The following XPNPEP2 variants were observed in gnomAD, a reference collection of about 807,000 sequenced individuals.
XPNPEP2 encodes the protein xaa-Pro aminopeptidase 2.
In XPNPEP2, 64 loss-of-function variants were observed where a neutral mutation model predicts 59.8. The observed-to-expected ratio is 1.07, with a 90% CI of 0.87 to 1.32. The LOEUF is 1.32. XPNPEP2 is among the 40% of genes most tolerant of loss of function. The pLI, the probability that XPNPEP2 is intolerant of heterozygous loss-of-function variation, is 0.00. For missense variants in XPNPEP2, 575 were observed against 546.8 expected (o/e 1.05, Z -0.51); for synonymous variants, 235 against 210.0 (o/e 1.12, Z -1.03).
intron 7 of XPNPEP2, among the ~76,000 whole-genome samples, chrX:129,749,676 GT>G (rs969204824): frequency 8.8e-6 from 1 of 113,147 alleles, no homozygotes; most frequent in African/African-American, 3.2e-5. Flanking sequence ...GAAAACTAAA[GT>G]CATAGAACCC....
chrX:129,747,455 G>A (rs907687576), intron 6 of XPNPEP2, 152 bp from the exon 7 acceptor site: 7 of 714,615 alleles, frequency 9.8e-6, no homozygotes, highest in Non-Finnish European at 1.5e-5. Context: ...ATACATGCCG[G>A]GGGTGGGGGG....
In XPNPEP2 at chrX:129,751,797, C is replaced by T. The variant is rs1412117286; in HGVS notation, c.792C>T (p.Ser264=). The part of the protein sequence containing the change: ...SDIPYNPFFY[S]YTLLTDSSIR... Reference sequence around the variant, plus strand: ...TCCCCTATAACCCCTTCTTCTATTCCTACACGCTGCTCACAGACTCTTCTA... The same window carrying T: ...TCCCCTATAACCCCTTCTTCTATTCTTACACGCTGCTCACAGACTCTTCTA... Residue 264 remains serine (S), a synonymous_variant, in exon 9 of 21, where the codon TCC becomes TCT. Coordinates refer to ENST00000371106, the MANE Select transcript of XPNPEP2 (RefSeq NM_003399.6). 1 of 1,210,933 alleles carries T rather than the reference C, an allele frequency of 8.3e-7. No individual in the cohort carries two copies. Among genetic ancestry groups the T allele is most frequent in the Non-Finnish European group, 1.1e-6 (1 of 894,845 alleles).
chrX:129,749,831 C>T (rs1569476304), intron 7 of XPNPEP2, among the ~76,000 whole-genome samples: 1 of 112,755 alleles, frequency 8.9e-6, no homozygotes, highest in Non-Finnish European at 1.9e-5. Flanking sequence ...AGTTCAAATC[C>T]CAGCTCTACC....
intron 2 of XPNPEP2, among the ~76,000 whole-genome samples, chrX:129,743,115 C>T (rs1206646416): frequency 6.2e-5 from 7 of 112,236 alleles, no homozygotes; most frequent in Non-Finnish European, 1.1e-4. Flanking sequence ...AAACGCAGTA[C>T]ATCTGCTAGC....
intron 13 of XPNPEP2, among the ~76,000 whole-genome samples, chrX:129,755,979 C>T (rs930466031): frequency 8.9e-6 from 1 of 111,945 alleles, no homozygotes; most frequent in Non-Finnish European, 1.9e-5. Context: ...GGCTTTACCA[C>T]CTCTTGCTCA....
intron 4 of XPNPEP2, among the ~76,000 whole-genome samples, chrX:129,745,653 T>A (rs1055239081): frequency 9.0e-5 from 10 of 111,728 alleles, no homozygotes; most frequent in Admixed American, 2.8e-4. Context: ...GCCGGTTGTT[T>A]TACGGACAAC....
At chrX:129,751,619 GAA>G (rs1926417183) in intron 8 of XPNPEP2, 124 bp from the exon 9 acceptor site, 3 of 326,533 alleles carry the variant, frequency 9.2e-6, no homozygotes, top group Middle Eastern at 4.6e-4. Flanking sequence ...AGGAAGGAAG[GAA>G]GGAAGGAAGG....
intron 13 of XPNPEP2, among the ~76,000 whole-genome samples, chrX:129,755,940 G>A (rs779693753): frequency 1.8e-5 from 2 of 112,207 alleles, no homozygotes; most frequent in African/African-American, 3.2e-5. Context: ...CTACCCACTC[G>A]GGCTAGAGTG....
At chrX:129,746,820 G>A in intron 6 of XPNPEP2, 139 bp downstream of exon 6, 1 of 548,855 alleles carries the variant, frequency 1.8e-6, no homozygotes, top group Non-Finnish European at 3.1e-6. Flanking sequence ...TGTAGTTGCA[G>A]AATGTTTTGC....
At chrX:129,758,899 C>T (rs1465804519) in intron 14 of XPNPEP2, among the ~76,000 whole-genome samples, 1 of 111,818 alleles carries the variant, frequency 8.9e-6, no homozygotes, top group Non-Finnish European at 1.9e-5. Flanking sequence ...CCAAGGAAAC[C>T]CAGACCTACA....
chrX:129,750,019 AC>A (rs1926362626), intron 7 of XPNPEP2, among the ~76,000 whole-genome samples: 2 of 112,778 alleles, frequency 1.8e-5, no homozygotes, highest in African/African-American at 6.4e-5. Flanking sequence ...CCCCAGCCCT[AC>A]CCCTTTGTCC....
intron 2 of XPNPEP2, among the ~76,000 whole-genome samples, chrX:129,743,012 G>C (rs910924073): frequency 2.7e-5 from 3 of 112,117 alleles, no homozygotes; most frequent in Admixed American, 1.9e-4. Context: ...GGCTTGGGTA[G>C]TCAGCTTCCT....
intron 7 of XPNPEP2, 27 bp downstream of exon 7, chrX:129,747,780 C>A: frequency 8.3e-7 from 1 of 1,211,752 alleles, no homozygotes; most frequent in Non-Finnish European, 1.1e-6. Flanking sequence ...AGTTTCCTTC[C>A]CAACTTGTAG....
rs766330795 is a variant in XPNPEP2 at position 129,744,119 on chromosome X, A to G, written c.234+48A>G. 2.8e-6 allele frequency: 3 copies of G among 1,083,654 alleles called. No homozygotes were observed. In the South Asian group the frequency reaches 5.6e-5, roughly 20 times the overall value. The allele number at this position is 1,083,654 out of a possible 1,213,427, so 89.3% of individuals were successfully genotyped here. ...CTTGCCCTCTCTGCTACCCTGGGTC[A>G]GAGACCACAAACAGGAGCTGTTAAA... is the stretch of plus-strand genomic sequence containing the variant. On this transcript the variant is annotated intron_variant, in intron 3 of 20. Coordinates refer to ENST00000371106, the MANE Select transcript of XPNPEP2 (RefSeq NM_003399.6).
intron 18 of XPNPEP2, 31 bp from the exon 19 acceptor site, chrX:129,762,663 T>A (rs771285236): frequency 5.9e-6 from 7 of 1,194,364 alleles, no homozygotes; most frequent in Non-Finnish European, 6.8e-6. Flanking sequence ...CTCTCCCAGC[T>A]TAATGCCACC....
intron 19 of XPNPEP2, among the ~76,000 whole-genome samples, chrX:129,765,651 T>TTTTTTTTTTTTTTTTTTTTA (rs1569477894): frequency 1.0e-5 from 1 of 98,426 alleles, no homozygotes; most frequent in African/African-American, 3.8e-5. Context: ...TTTTTTTTTT[T>TTTTTTTTTTTTTTTTTTTTA]TTTTTTGATG....
intron 20 of XPNPEP2, among the ~76,000 whole-genome samples, chrX:129,767,900 G>A (rs1164656609): frequency 9.0e-6 from 1 of 111,555 alleles, no homozygotes; most frequent in African/African-American, 3.3e-5. Flanking sequence ...CCAACCCCAG[G>A]TAGTGAATAA....
At chrX:129,758,666 C>T (rs1926601368) in intron 14 of XPNPEP2, among the ~76,000 whole-genome samples, 1 of 112,248 alleles carries the variant, frequency 8.9e-6, no homozygotes, top group Non-Finnish European at 1.9e-5. Context: ...CGCATGGCCT[C>T]AATGGCCTCA....
At chrX:129,742,225 G>T in intron 2 of XPNPEP2, 44 bp downstream of exon 2, 1 of 744,993 alleles carries the variant, frequency 1.3e-6, no homozygotes, top group Non-Finnish European at 1.8e-6. Context: ...CTGGCCCCAC[G>T]CACCCCCCCA....
Sources: gnomAD v4.1 joint callset for allele counts (sites outside exome capture counted in the v4.1 genomes callset) on GRCh38, gnomAD v4.1.1 for gene constraint, MANE v1.5 for transcripts, NCBI Gene and HGNC (gene_info 2026-07-23, HGNC 2026-07-21) for gene names.